The following SLC2A12 variants were observed in gnomAD, a reference collection of about 807,000 sequenced individuals.
SLC2A12 encodes solute carrier family 2 member 12.
Under a neutral mutation model 41.8 loss-of-function variants are expected in SLC2A12, and 23 were observed. The ratio of observed to expected loss-of-function variants is 0.55; its 90% CI spans 0.40 to 0.78. The LOEUF is 0.78. Among genes scored for constraint, SLC2A12 ranks in the 30% least tolerant of loss-of-function variants. The pLI is 0.00. For missense variants in SLC2A12, 654 were observed against 745.6 expected (o/e 0.88, Z 1.43); for synonymous variants, 295 against 285.9 (o/e 1.03, Z -0.32).
Position 133,991,411 on chromosome 6 carries a change from G to A in SLC2A12, c.1701-103C>T, listed in dbSNP as rs576719250. Reference sequence around the variant, plus strand: ...ACCACCCTGGGGCTTTAATGTTTTAGCTATGCAAAAATAAATACACATTTT... The same window carrying A: ...ACCACCCTGGGGCTTTAATGTTTTAACTATGCAAAAATAAATACACATTTT... On this transcript the variant is annotated intron_variant, in intron 4 of 4. Transcript: ENST00000275230. 1.0e-5 allele frequency: 13 copies of A among 1,254,976 alleles called. No homozygotes were observed. The African/African-American group carries it at 1.4e-4, about 13-fold the overall frequency. 77.7% of individuals were successfully genotyped at this position (1,254,976 alleles called of 1,614,324 possible). A position where few individuals can be genotyped will look rare whatever the true frequency, so the allele number is the denominator to read the frequency against.
At chr6:134,025,301 A>T (rs1015406990) in intron 2 of SLC2A12, among the ~76,000 whole-genome samples, 8 of 152,172 alleles carry the variant, frequency 5.3e-5, no homozygotes, top group African/African-American at 1.9e-4. Context: ...GTTTTCATTT[A>T]TTTCAGCAAG....
intron 2 of SLC2A12, among the ~76,000 whole-genome samples, chr6:134,020,697 T>C (rs1273545859): frequency 1.3e-5 from 2 of 152,214 alleles, no homozygotes; most frequent in Admixed American, 6.5e-5. Context: ...CTGTTCTCTT[T>C]AGATGTGATT....
intron 1 of SLC2A12, among the ~76,000 whole-genome samples, chr6:134,033,849 G>A (rs1018356608): frequency 6.6e-5 from 10 of 152,086 alleles, no homozygotes; most frequent in African/African-American, 2.4e-4. Flanking sequence ...TTACCTTAGA[G>A]AGCCTGAAGT....
chr6:134,047,863 G>T (rs886754142), intron 1 of SLC2A12, among the ~76,000 whole-genome samples: 1 of 152,200 alleles, frequency 6.6e-6, no homozygotes, highest in African/African-American at 2.4e-5. Context: ...CCTCTTGGCC[G>T]GCTGCTCTCA....
At chr6:134,031,784 G>A (rs551951341) in intron 1 of SLC2A12, among the ~76,000 whole-genome samples, 42 of 152,264 alleles carry the variant, frequency 2.8e-4, no homozygotes, top group Non-Finnish European at 5.4e-4. Flanking sequence ...TACAGATTTG[G>A]AGCTTAAAGA....
intron 1 of SLC2A12, among the ~76,000 whole-genome samples, chr6:134,034,845 TTAA>T (rs1360572750): frequency 6.6e-6 from 1 of 152,146 alleles, no homozygotes; most frequent in Non-Finnish European, 1.5e-5. Flanking sequence ...CAGTCTGCCT[TTAA>T]TAATGATGAA....
intron 1 of SLC2A12, among the ~76,000 whole-genome samples, chr6:134,045,912 C>A (rs116555053): frequency 0.015 from 2,352 of 152,254 alleles, 67 homozygotes; most frequent in African/African-American, 0.053. Flanking sequence ...CCTTTGCTTT[C>A]AAAATTGGCA....
chr6:134,021,167 G>GT (rs149842309), intron 2 of SLC2A12, among the ~76,000 whole-genome samples: 3,855 of 152,202 alleles, frequency 0.025, 149 homozygotes, highest in African/African-American at 0.085. Context: ...AGGAACAGGA[G>GT]TTTTTTTGGC....
intron 3 of SLC2A12, among the ~76,000 whole-genome samples, chr6:134,003,876 A>G (rs1271815756): frequency 2.6e-5 from 4 of 152,254 alleles, no homozygotes; most frequent in African/African-American, 9.6e-5. Context: ...CTGAAATTGC[A>G]TAAAAAATGT....
intron 2 of SLC2A12, among the ~76,000 whole-genome samples, chr6:134,016,519 C>T (rs1222389953): frequency 6.6e-6 from 1 of 151,830 alleles, no homozygotes; most frequent in Non-Finnish European, 1.5e-5. Context: ...AATAAACTGC[C>T]CTTTGTCTCT....
At chr6:134,034,469 G>A (rs1298137821) in intron 1 of SLC2A12, among the ~76,000 whole-genome samples, 1 of 152,164 alleles carries the variant, frequency 6.6e-6, no homozygotes, top group Non-Finnish European at 1.5e-5. Flanking sequence ...TAGCGCTTCT[G>A]AGATTGTGAC....
Position 133,988,284 on chromosome 6 carries a change from C to G in SLC2A12, c.*2871G>C, listed in dbSNP as rs1403461255. The G allele has an allele frequency of 1.3e-5, 2 of 152,200 alleles. No homozygotes were observed. The highest frequency in any genetic ancestry group is 2.9e-5 in the Non-Finnish European group (2 of 68,020). 9.4% of individuals were successfully genotyped at this position (152,200 alleles called of 1,614,324 possible). A position where few individuals can be genotyped will look rare whatever the true frequency, so the allele number is the denominator to read the frequency against. ...TATGAAACAGTGTCTCTGGCTCACCCAGGAGCCCTGATGTGGTAATACAGG... is the reference window on the plus strand; with the variant it reads ...TATGAAACAGTGTCTCTGGCTCACCGAGGAGCCCTGATGTGGTAATACAGG... On this transcript the variant is annotated 3_prime_UTR_variant, in exon 5 of 5. Transcript: ENST00000275230.
rs1035919125 is a variant in SLC2A12 at position 133,995,690 on chromosome 6, C to G, written c.1701-4382G>C. 1.1e-4 allele frequency among the ~76,000 whole-genome samples: 16 copies of G among 152,318 alleles called. No homozygotes were observed. The South Asian group carries it at 1.5e-3, about 14-fold the overall frequency. On this transcript the variant is annotated intron_variant, in intron 4 of 4. Coordinates refer to ENST00000275230, the MANE Select transcript of SLC2A12 (RefSeq NM_145176.3). Reference sequence around the variant, plus strand: ...TCCTTCAGCTGGATGGCTGCAGACACTTACTATGGCACACTTTAAAGTGTA... The same window carrying G: ...TCCTTCAGCTGGATGGCTGCAGACAGTTACTATGGCACACTTTAAAGTGTA...
chr6:134,032,405 A>AATATATATATATATATTTATATATATAT (rs1777220174), intron 1 of SLC2A12, among the ~76,000 whole-genome samples: 1 of 118,080 alleles, frequency 8.5e-6, no homozygotes, highest in African/African-American at 4.5e-5. Flanking sequence ...TACAGGGAGA[A>AATATATATATATATATTTATATATATAT]ATATATATAT....
intron 2 of SLC2A12, among the ~76,000 whole-genome samples, chr6:134,022,192 C>G (rs1416143918): frequency 1.3e-5 from 2 of 151,650 alleles, no homozygotes; most frequent in Non-Finnish European, 2.9e-5. Context: ...TTTCAGGTAC[C>G]TAGGGTTCTA....
At chr6:134,011,547 G>C (rs1317485939) in intron 2 of SLC2A12, among the ~76,000 whole-genome samples, 1 of 152,068 alleles carries the variant, frequency 6.6e-6, no homozygotes, top group Non-Finnish European at 1.5e-5. Flanking sequence ...TGAGCCTGCA[G>C]TGAGTGATCT....
At chr6:134,044,978 G>T (rs1294318921) in intron 1 of SLC2A12, among the ~76,000 whole-genome samples, 1 of 152,242 alleles carries the variant, frequency 6.6e-6, no homozygotes, top group East Asian at 1.9e-4. Flanking sequence ...GTGTTGAGAT[G>T]TTTCCTAGGT....
intron 4 of SLC2A12, among the ~76,000 whole-genome samples, chr6:134,000,792 GTGA>G (rs1324993012): frequency 6.6e-6 from 1 of 152,126 alleles, no homozygotes; most frequent in African/African-American, 2.4e-5. Flanking sequence ...ATCTCTCCTT[GTGA>G]AATTTTTTAA....
At chr6:134,052,247 G>GCAGACACACACACA in intron 1 of SLC2A12, 131 bp downstream of exon 1, 1 of 270,356 alleles carries the variant, frequency 3.7e-6, no homozygotes, top group Non-Finnish European at 5.9e-6. Flanking sequence ...GCGCGCGCGC[G>GCAGACACACACACA]CATACACACA....
Sources: gnomAD v4.1 joint callset for allele counts (sites outside exome capture counted in the v4.1 genomes callset) on GRCh38, gnomAD v4.1.1 for gene constraint, MANE v1.5 for transcripts, NCBI Gene and HGNC (gene_info 2026-07-23, HGNC 2026-07-21) for gene names.